KIF13A: variants seen among roughly 807,000 people sequenced by gnomAD.
The protein encoded by KIF13A is kinesin family member 13A.
In KIF13A, 79 loss-of-function variants were observed where a neutral mutation model predicts 212.2. The observed-to-expected ratio is 0.37, with a 90% CI of 0.31 to 0.45. The LOEUF (loss-of-function observed/expected upper bound fraction) is 0.45. KIF13A is among the 20% of genes least tolerant of loss of function. The pLI is 1.00. For missense variants in KIF13A, 1,901 were observed against 2,209.0 expected (o/e 0.86, Z 2.79); for synonymous variants, 789 against 808.6 (o/e 0.98, Z 0.41).
chr6:17,847,050 A>T (rs1767137247), intron 9 of KIF13A, among the ~76,000 whole-genome samples: 1 of 152,218 alleles, frequency 6.6e-6, no homozygotes, highest in Non-Finnish European at 1.5e-5. Context: ...CATATGGAGC[A>T]TTCAGAATAG....
At chr6:17,818,842 C>G (rs1436028098) in intron 16 of KIF13A, among the ~76,000 whole-genome samples, 1 of 151,980 alleles carries the variant, frequency 6.6e-6, no homozygotes, top group Non-Finnish European at 1.5e-5. Context: ...TACTCTTACC[C>G]CCAATGTTTT....
intron 2 of KIF13A, among the ~76,000 whole-genome samples, chr6:17,948,686 G>C (rs1157328021): frequency 7.0e-6 from 1 of 143,184 alleles, no homozygotes; most frequent in African/African-American, 2.6e-5. Flanking sequence ...TCAGCCTCCC[G>C]AGTAACTGGA....
At chr6:17,882,203 A>C (rs1771137311) in intron 3 of KIF13A, 1 of 394,040 alleles carries the variant, frequency 2.5e-6, no homozygotes, top group African/African-American at 2.1e-5. Context: ...CAAAATGGTC[A>C]ATCTGGAAAG....
At chr6:17,885,428 C>G (rs373288993) in intron 3 of KIF13A, among the ~76,000 whole-genome samples, 8 of 152,068 alleles carry the variant, frequency 5.3e-5, no homozygotes, top group African/African-American at 1.7e-4. Flanking sequence ...AGATACATAC[C>G]AAATAATGTC....
At chr6:17,852,628 A>T (rs570787047) in intron 6 of KIF13A, among the ~76,000 whole-genome samples, 3 of 152,140 alleles carry the variant, frequency 2.0e-5, no homozygotes, top group African/African-American at 7.2e-5. Flanking sequence ...ATTCTGCCCA[A>T]GCTGGTCCTG....
chr6:17,805,353 T>C (rs1762847732), intron 19 of KIF13A, 122 bp downstream of exon 19: 1 of 859,538 alleles, frequency 1.2e-6, no homozygotes, highest in Admixed American at 2.6e-5. Context: ...ATATCTAACG[T>C]ATCATGAGCA....
At chr6:17,966,345 A>G (rs1458083277) in intron 2 of KIF13A, among the ~76,000 whole-genome samples, 1 of 152,088 alleles carries the variant, frequency 6.6e-6, no homozygotes, top group African/African-American at 2.4e-5. Flanking sequence ...CTTAGTACCC[A>G]TGAGAATACC....
In KIF13A at chr6:17,799,084, C is replaced by A. The variant is rs1261457315; in HGVS notation, c.2790+182G>T. 3.9e-5 allele frequency among the ~76,000 whole-genome samples: 6 copies of A among 152,154 alleles called. No individual in the cohort carries two copies. Among genetic ancestry groups the A allele is most frequent in the Non-Finnish European group, 8.8e-5 (6 of 68,036 alleles). On this transcript the variant is annotated intron_variant, in intron 22 of 38. Transcript: ENST00000259711. This position sits in a 1 kb window ranked among gnomAD's most constrained non-coding sequence, Gnocchi z 4.4. ...GGGGAACAAGACTGTTGGTAGAGAT[C>A]TTTTAGATTTTATTTTAAATATTTC...
rs376034522 is a variant in KIF13A, at chr6:17,934,691, G to C, written c.147-36511C>G. Among the ~76,000 whole-genome samples the C allele has an allele frequency of 4.5e-4, 69 of 151,994 alleles. No individual in the cohort carries two copies. Among genetic ancestry groups the C allele is most frequent in the African/African-American group, 1.6e-3 (66 of 41,430 alleles). On this transcript the variant is annotated intron_variant, in intron 2 of 38. Coordinates refer to ENST00000259711, the MANE Select transcript of KIF13A (RefSeq NM_022113.6). The surrounding 1 kb of genome is among the most constrained non-coding windows in gnomAD (Gnocchi z 5.4). The stretch of plus-strand genomic sequence containing the variant: ...TGGTCTCACCTACTTGGGAGGCCGA[G>C]GTGGGAGGATCGCTTGAGCCCAGGA...
At chr6:17,932,891 A>ACATC (rs1443737186) in intron 2 of KIF13A, among the ~76,000 whole-genome samples, 1 of 152,206 alleles carries the variant, frequency 6.6e-6, no homozygotes, top group African/African-American at 2.4e-5. Context: ...GTTCTGGAAT[A>ACATC]CATCCCTTTC....
Position 17,816,893 on chromosome 6 carries a change from A to G in KIF13A, c.2000+127T>C. On this transcript the variant is annotated intron_variant, in intron 17 of 38. Coordinates refer to ENST00000259711, the MANE Select transcript of KIF13A (RefSeq NM_022113.6). This position sits in a 1 kb window ranked among gnomAD's most constrained non-coding sequence, Gnocchi z 4.3. ...TTGTGAAAGGAAAAGCTAATTGGCA[A>G]TATCACGTATGGGATTAAGAGTTCT... 1 of 680,474 alleles carries G rather than the reference A, an allele frequency of 1.5e-6. No individual in the cohort carries two copies. The highest frequency in any genetic ancestry group is 2.4e-6 in the Non-Finnish European group (1 of 408,742). 42.2% of individuals were successfully genotyped at this position (680,474 alleles called of 1,614,324 possible). A position where few individuals can be genotyped will look rare whatever the true frequency, so the allele number is the denominator to read the frequency against.
chr6:17,858,473 C>T (rs1235841119), intron 4 of KIF13A, among the ~76,000 whole-genome samples: 4 of 152,134 alleles, frequency 2.6e-5, no homozygotes, highest in East Asian at 1.9e-4. Flanking sequence ...CTTGTGCTCA[C>T]GAAGAAAATA....
chr6:17,811,012 C>G lies in KIF13A; in HGVS notation c.2001-2082G>C, dbSNP rs76746462. 6.6e-6 allele frequency among the ~76,000 whole-genome samples: 1 copy of G among 152,128 alleles called. No individual in the cohort carries two copies. The highest frequency in any genetic ancestry group is 2.1e-4 in the South Asian group (1 of 4,830). Reference sequence around the variant, plus strand: ...GACCCCTGTTCTAGACTACACGAAACAGTTCTTTTGCAGTCTCCCAAATAC... The same window carrying G: ...GACCCCTGTTCTAGACTACACGAAAGAGTTCTTTTGCAGTCTCCCAAATAC... On this transcript the variant is annotated intron_variant, in intron 17 of 38. Coordinates refer to ENST00000259711, the MANE Select transcript of KIF13A (RefSeq NM_022113.6). This position sits in a 1 kb window ranked among gnomAD's most constrained non-coding sequence, Gnocchi z 6.0.
chr6:17,799,206 G>T lies in KIF13A; in HGVS notation c.2790+60C>A. ...CAAATGCTTGTGGGGACAACTGATTGTTGAACTGCACCAATTTCTGCTGCT... is the reference window on the plus strand; with the variant it reads ...CAAATGCTTGTGGGGACAACTGATTTTTGAACTGCACCAATTTCTGCTGCT... On this transcript the variant is annotated intron_variant, in intron 22 of 38. Transcript: ENST00000259711. This position sits in a 1 kb window ranked among gnomAD's most constrained non-coding sequence, Gnocchi z 4.4. 1 of 1,204,926 alleles carries T rather than the reference G, an allele frequency of 8.3e-7. No individual in the cohort carries two copies. The highest frequency in any genetic ancestry group is 1.1e-6 in the Non-Finnish European group (1 of 897,646). The allele number at this position is 1,204,926 out of a possible 1,614,324, so 74.6% of individuals were successfully genotyped here. A position where few individuals can be genotyped will look rare whatever the true frequency, so the allele number is the denominator to read the frequency against.
In KIF13A at chr6:17,786,764, T is replaced by C. The variant is rs193065302; in HGVS notation, c.3361+1012A>G. Among the ~76,000 whole-genome samples, 1 of 152,200 alleles carries C rather than the reference T, an allele frequency of 6.6e-6. No individual in the cohort carries two copies. Among genetic ancestry groups the C allele is most frequent in the Admixed American group, 6.5e-5 (1 of 15,280 alleles). On this transcript the variant is annotated intron_variant, in intron 27 of 38. Coordinates refer to ENST00000259711, the MANE Select transcript of KIF13A (RefSeq NM_022113.6). This position sits in a 1 kb window ranked among gnomAD's most constrained non-coding sequence, Gnocchi z 5.4. ...CTCCCTGGGTACAGTCTAAGTGAGT[T>C]TTCATTAGCAGCCTGAGCACACACA...
In KIF13A at chr6:17,829,729, T is replaced by TA. The variant is rs1222963363; in HGVS notation, c.1402-1360dup. Among the ~76,000 whole-genome samples the TA allele has an allele frequency of 6.6e-6, 1 of 152,150 alleles. No homozygotes were observed. The highest frequency in any genetic ancestry group is 1.5e-5 in the Non-Finnish European group (1 of 68,032). On this transcript the variant is annotated intron_variant, in intron 13 of 38. Coordinates refer to ENST00000259711, the MANE Select transcript of KIF13A (RefSeq NM_022113.6). The surrounding 1 kb of genome is among the most constrained non-coding windows in gnomAD (Gnocchi z 5.4). ...GATTTCAGAGACAATTCCTTACCCCTACTCATTGCCTAAATGAACAGATCT... is the reference window on the plus strand; with the variant it reads ...GATTTCAGAGACAATTCCTTACCCCTAACTCATTGCCTAAATGAACAGATCT...
In KIF13A at chr6:17,799,859, T is replaced by C. The variant is rs1762338393; in HGVS notation, c.2616+93A>G. The C allele has an allele frequency of 3.5e-6, 5 of 1,427,964 alleles. No homozygotes were observed. Among genetic ancestry groups the C allele is most frequent in the Admixed American group, 2.0e-5 (1 of 50,474 alleles). 88.5% of individuals were successfully genotyped at this position (1,427,964 alleles called of 1,614,324 possible). ...TGCTGTTACAAAATCCAACTTTTAC[T>C]ACCCTGGATGAAAAACTCTCATAAG... On this transcript the variant is annotated intron_variant, in intron 21 of 38. Transcript: ENST00000259711. This position sits in a 1 kb window ranked among gnomAD's most constrained non-coding sequence, Gnocchi z 4.4.
chr6:17,774,855 CT>C (rs1230511289), intron 35 of KIF13A, among the ~76,000 whole-genome samples, 159 bp downstream of exon 35: 1 of 150,840 alleles, frequency 6.6e-6, no homozygotes, highest in African/African-American at 2.4e-5. Context: ...GAGTTATTTG[CT>C]TACAATTAAG....
intron 2 of KIF13A, among the ~76,000 whole-genome samples, chr6:17,957,397 C>A (rs1040091435): frequency 6.6e-6 from 1 of 152,156 alleles, no homozygotes; most frequent in Non-Finnish European, 1.5e-5. Context: ...CCCTTGCAGA[C>A]CTCGCCCTAT....
Sources: gnomAD v4.1 joint callset for allele counts (sites outside exome capture counted in the v4.1 genomes callset) on GRCh38, gnomAD v4.1.1 for gene constraint, Gnocchi (gnomAD v3.1) non-coding constraint, MANE v1.5 for transcripts, NCBI Gene and HGNC (gene_info 2026-07-23, HGNC 2026-07-21) for gene names.